Variants in TRIM55 observed in about 807,000 individuals in gnomAD.
The protein encoded by TRIM55 is tripartite motif-containing protein 55.
In TRIM55, 50 loss-of-function variants were observed where a neutral mutation model predicts 60.9. The ratio of observed to expected loss-of-function variants is 0.82; its 90% CI spans 0.65 to 1.04. TRIM55 has a LOEUF of 1.04. TRIM55 is among the 50% of genes least tolerant of loss of function. The pLI is 0.00. For missense variants in TRIM55, 681 were observed against 666.9 expected, an observed-to-expected ratio of 1.02 and a Z score of -0.23; for synonymous variants, 237 against 238.1, an observed-to-expected ratio of 1.00 and a Z score of 0.04.
At chr8:66,165,952 CT>C (rs35492622) in intron 9 of TRIM55, among the ~76,000 whole-genome samples, 34,626 of 146,600 alleles carry the variant, frequency 0.24, 7,935 homozygotes, top group African/African-American at 0.6. Flanking sequence ...TTTTTCTGGG[CT>C]TTTTTTTTTT....
intron 9 of TRIM55, among the ~76,000 whole-genome samples, chr8:66,173,829 A>G (rs940433412): frequency 2.0e-5 from 3 of 152,204 alleles, no homozygotes; most frequent in African/African-American, 7.2e-5. Context: ...TCAGGTGCCT[A>G]CAAAAGATAA....
intron 3 of TRIM55, 69 bp downstream of exon 3, chr8:66,135,224 A>G (rs1809413925): frequency 4.5e-6 from 7 of 1,556,690 alleles, no homozygotes; most frequent in South Asian, 2.2e-5. Context: ...TCCTGGGGCC[A>G]GTGTGAGTGG....
chr8:66,170,877 C>A (rs924085277), intron 9 of TRIM55, among the ~76,000 whole-genome samples: 5 of 152,162 alleles, frequency 3.3e-5, no homozygotes, highest in Admixed American at 6.5e-5. Flanking sequence ...TTCACAATAG[C>A]CAAGAGGCAG....
At chr8:66,134,941 A>T (rs1259625904) in intron 2 of TRIM55, 49 bp from the exon 3 acceptor site, 1 of 1,595,280 alleles carries the variant, frequency 6.3e-7, no homozygotes, top group South Asian at 1.1e-5. Flanking sequence ...CCTTGATGAG[A>T]TTGCCCCAGT....
intron 2 of TRIM55, 68 bp downstream of exon 2, chr8:66,128,544 G>A (rs1216971567): frequency 5.3e-6 from 8 of 1,509,056 alleles, no homozygotes; most frequent in Non-Finnish European, 5.4e-6. Context: ...TTGTTTTAAT[G>A]GGTTGCTACG....
intron 8 of TRIM55, among the ~76,000 whole-genome samples, chr8:66,153,315 T>C (rs1016312510): frequency 1.3e-5 from 2 of 152,218 alleles, no homozygotes; most frequent in African/African-American, 4.8e-5. Flanking sequence ...CTGCACCTAA[T>C]TGGTTGACCT....
chr8:66,131,856 A>G lies in TRIM55; in HGVS notation c.342-3134A>G, dbSNP rs1307234069. The stretch of plus-strand genomic sequence containing the variant: ...CTTCATCCAGATGTTCCTAATTTCC[A>G]ACATTTGGTTGACATCTCTCATCTG... On this transcript the variant is annotated intron_variant, in intron 2 of 9. Transcript: ENST00000315962. Among the ~76,000 whole-genome samples the G allele has an allele frequency of 2.0e-5, 3 of 152,306 alleles. No individual in the cohort carries two copies. The East Asian group carries it at 5.8e-4, about 29-fold the overall frequency.
chr8:66,154,003 C>CTT, intron 8 of TRIM55, 44 bp from the exon 9 acceptor site: 64 of 1,274,950 alleles, frequency 5.0e-5, no homozygotes, highest in Middle Eastern at 2.0e-4. Context: ...TCTTCTTCTT[C>CTT]TTTTTTTTTT....
chr8:66,137,173 A>G lies in TRIM55; in HGVS notation c.586A>G (p.Thr196Ala). 1 of 1,614,086 alleles carries G rather than the reference A, an allele frequency of 6.2e-7. No homozygotes were observed. The highest frequency in any genetic ancestry group is 1.1e-5 in the South Asian group (1 of 91,074). ...GGGAGTGATCAGCCAGCTGGAAGAC[A>G]CCTGCAAAACTATCGAGGTGAGTCA... ...VQGVISQLED[T>A]CKTIEECCRK... Residue 196 changes from threonine (T) to alanine (A), a missense_variant, in exon 4 of 10, where the codon ACC (threonine) becomes GCC (alanine). By Grantham distance (58) the Thr-to-Ala change is moderately conservative (BLOSUM62 0). Coordinates refer to ENST00000315962, the MANE Select transcript of TRIM55 (RefSeq NM_184085.2).
the TRIM55 span, among the ~76,000 whole-genome samples, chr8:66,116,835 C>T: frequency 2.2e-3 from 332 of 152,250 alleles, 2 homozygotes; most frequent in African/African-American, 7.7e-3. Flanking sequence ...ATACCAAAAT[C>T]AGGCAAAGAC....
intron 2 of TRIM55, among the ~76,000 whole-genome samples, chr8:66,131,808 T>C (rs7835948): frequency 0.26 from 39,266 of 152,096 alleles, 8,481 homozygotes; most frequent in African/African-American, 0.59. Context: ...AGAACTAAGA[T>C]GCAACTCAAG....
the TRIM55 span, among the ~76,000 whole-genome samples, chr8:66,117,880 G>A: frequency 5.3e-5 from 8 of 152,090 alleles, no homozygotes; most frequent in Non-Finnish European, 8.8e-5. Flanking sequence ...GAAGTGTTCA[G>A]AGGAGGCCGG....
rs568500658 is a variant in TRIM55, at chr8:66,138,181, CTT to C, written c.603+992_603+993del. ...TTCTCATTGCTGTGTGCAAGCCTCT[CTT>C]GTTATCTATTTATTTCCCGTTATCC... is the stretch of plus-strand genomic sequence containing the variant. On this transcript the variant is annotated intron_variant, in intron 4 of 9. Coordinates refer to ENST00000315962, the MANE Select transcript of TRIM55 (RefSeq NM_184085.2). Among the ~76,000 whole-genome samples the C allele has an allele frequency of 6.2e-4, 95 of 152,278 alleles. 3 individuals carry two copies. In the South Asian group the frequency reaches 0.019, roughly 30 times the overall value.
the TRIM55 span, among the ~76,000 whole-genome samples, chr8:66,116,463 T>A: frequency 6.6e-6 from 1 of 151,780 alleles, no homozygotes; most frequent in African/African-American, 2.4e-5. Flanking sequence ...AAAAAGTAGC[T>A]GCGTGCGGTG....
intron 2 of TRIM55, among the ~76,000 whole-genome samples, chr8:66,128,677 G>GT (rs1228135187): frequency 1.3e-5 from 2 of 152,110 alleles, no homozygotes; most frequent in African/African-American, 4.8e-5. Flanking sequence ...CCATGCTTTT[G>GT]TATCAATTTA....
At chr8:66,135,358 TG>T (rs1407201178) in intron 3 of TRIM55, among the ~76,000 whole-genome samples, 1 of 152,110 alleles carries the variant, frequency 6.6e-6, no homozygotes, top group Non-Finnish European at 1.5e-5. Flanking sequence ...CCCTGGACGG[TG>T]GGGGACCAGG....
chr8:66,170,165 C>T (rs949375607), intron 9 of TRIM55, among the ~76,000 whole-genome samples: 2 of 152,154 alleles, frequency 1.3e-5, no homozygotes, highest in African/African-American at 4.8e-5. Flanking sequence ...TATATTCACA[C>T]TATTGTGCAA....
chr8:66,125,093 C>G (rs1247004973), upstream of TRIM55, among the ~76,000 whole-genome samples: 1 of 152,222 alleles, frequency 6.6e-6, no homozygotes, highest in Non-Finnish European at 1.5e-5. Flanking sequence ...CTACCCACAA[C>G]TGAAATTTTT....
In TRIM55 at chr8:66,151,877, TAAATA is replaced by T. The variant is rs553728766; in HGVS notation, c.986-497_986-493del. Among the ~76,000 whole-genome samples, 47 of 150,302 alleles carry T rather than the reference TAAATA, an allele frequency of 3.1e-4. No homozygotes were observed. The South Asian group carries it at 9.4e-3, about 30-fold the overall frequency. On this transcript the variant is annotated intron_variant, in intron 7 of 9. Transcript: ENST00000315962. Reference sequence around the variant, plus strand: ...ATAAATAAATAAATAAATAAATAAATAAATAAATAAATAAATAAAAGAGTCGTGAC... The same window carrying T: ...ATAAATAAATAAATAAATAAATAAATAATAAATAAATAAAAGAGTCGTGAC...
Sources: allele counts gnomAD v4.1 joint callset (sites outside exome capture counted in the v4.1 genomes callset), GRCh38; gene constraint gnomAD v4.1.1; transcripts MANE v1.5; gene names NCBI Gene and HGNC (gene_info 2026-07-23, HGNC 2026-07-21).